MAP7D2: variants seen among roughly 807,000 people sequenced by gnomAD.
The protein encoded by MAP7D2 is MAP7 domain-containing protein 2.
In MAP7D2, 33 loss-of-function variants were observed where a neutral mutation model predicts 63.5. The observed-to-expected ratio is 0.52, with a 90% CI of 0.39 to 0.70. The LOEUF (loss-of-function observed/expected upper bound fraction) is 0.70, where lower values mean the gene tolerates loss of function less well. Among genes scored for constraint, MAP7D2 ranks in the 30% least tolerant of loss-of-function variants. MAP7D2 has a pLI of 0.00. For missense variants in MAP7D2, 626 were observed against 604.0 expected (o/e 1.04, Z -0.38); for synonymous variants, 224 against 223.7 (o/e 1.00, Z -0.01).
In MAP7D2 at chrX:20,044,468, A is replaced by G. The variant is rs1013911338; in HGVS notation, c.775T>C (p.Ser259Pro). The stretch of plus-strand genomic sequence containing the variant: ...TTCTCAATGTTTCGAGTGGGTGAAG[A>G]CTTGTAAGAAGGGTTAAGAGGGCCA... ...PLGPLNPSYK[S>P]SPTRNIEKKK... The change falls in exon 7 of 17, where the codon TCT becomes CCT. Residue 259 changes from serine to proline, a missense_variant. By Grantham distance (74) the Ser-to-Pro change is moderately conservative. Coordinates refer to ENST00000379643, the MANE Select transcript of MAP7D2 (RefSeq NM_001168465.2). 4 of 1,208,743 alleles carry G rather than the reference A, an allele frequency of 3.3e-6. 1 individual carries two copies. Among genetic ancestry groups the G allele is most frequent in the South Asian group, 3.5e-5 (2 of 56,783 alleles).
chrX:20,098,455 T>A (rs1042641974), intron 1 of MAP7D2, among the ~76,000 whole-genome samples: 4 of 111,862 alleles, frequency 3.6e-5, no homozygotes, highest in African/African-American at 1.3e-4. Flanking sequence ...TTTAAACAAC[T>A]GGAAGTGGTG....
chrX:20,018,592 G>A (rs1453194855), intron 10 of MAP7D2, among the ~76,000 whole-genome samples: 1 of 108,764 alleles, frequency 9.2e-6, no homozygotes. Context: ...ACAGGCATGC[G>A]CCGCTATGCC....
intron 10 of MAP7D2, among the ~76,000 whole-genome samples, chrX:20,018,725 G>C (rs1455572807): frequency 9.0e-6 from 1 of 111,096 alleles, no homozygotes; most frequent in East Asian, 2.8e-4. Flanking sequence ...TTACAGGTTT[G>C]AGCCACTGTG....
At chrX:20,052,749 G>A (rs1304702218) in intron 5 of MAP7D2, 129 bp downstream of exon 5, 1 of 528,348 alleles carries the variant, frequency 1.9e-6, no homozygotes, top group African/African-American at 2.4e-5. Flanking sequence ...CCCACATTCA[G>A]ACCACAAGAC....
chrX:20,090,479 C>T (rs2066041356), intron 1 of MAP7D2, among the ~76,000 whole-genome samples: 1 of 110,659 alleles, frequency 9.0e-6, no homozygotes, highest in African/African-American at 3.3e-5. Flanking sequence ...CAATGAGAAA[C>T]CCATACCATT....
chrX:20,116,622 G>C, intron 1 of MAP7D2, 128 bp downstream of exon 1: 1 of 1,000,858 alleles, frequency 1.0e-6, no homozygotes. Context: ...CAGGGAAAGG[G>C]CGTTTATCTC....
intron 3 of MAP7D2, among the ~76,000 whole-genome samples, chrX:20,060,275 T>C (rs1171749430): frequency 1.8e-5 from 2 of 109,771 alleles, no homozygotes; most frequent in Non-Finnish European, 3.8e-5. Context: ...CTGCCTTGGC[T>C]CCCCAAAGTG....
intron 3 of MAP7D2, among the ~76,000 whole-genome samples, chrX:20,060,140 C>T (rs1278541913): frequency 9.1e-6 from 1 of 110,361 alleles, no homozygotes; most frequent in Non-Finnish European, 1.9e-5. Flanking sequence ...TCACCTCAGC[C>T]TCCTAAGTAA....
At chrX:20,018,591 C>T (rs1007721535) in intron 10 of MAP7D2, among the ~76,000 whole-genome samples, 7 of 108,766 alleles carry the variant, frequency 6.4e-5, no homozygotes, top group African/African-American at 1.0e-4. Context: ...TACAGGCATG[C>T]GCCGCTATGC....
intron 1 of MAP7D2, among the ~76,000 whole-genome samples, chrX:20,071,631 G>A (rs1182273591): frequency 8.9e-6 from 1 of 111,962 alleles, no homozygotes; most frequent in Non-Finnish European, 1.9e-5. Flanking sequence ...TACAGGGCAG[G>A]GCCCTCCCTG....
At chrX:20,055,703 AATGCTATGGCACAGTG>A in intron 4 of MAP7D2, 1 of 848,611 alleles carries the variant, frequency 1.2e-6, no homozygotes, top group Non-Finnish European at 1.6e-6. Context: ...GTTATCACAA[AATGCTATGGCACAGTG>A]ATGCTCGGAT....
intron 8 of MAP7D2, among the ~76,000 whole-genome samples, chrX:20,027,798 CAGACAG>C (rs1218083261): frequency 1.1e-5 from 1 of 89,224 alleles, no homozygotes; most frequent in Non-Finnish European, 2.3e-5. Context: ...GAGACAGAGA[CAGACAG>C]AGACAGAGAC....
At chrX:20,077,658 C>T (rs959779536) in intron 1 of MAP7D2, among the ~76,000 whole-genome samples, 11 of 112,073 alleles carry the variant, frequency 9.8e-5, no homozygotes, top group African/African-American at 3.6e-4. Flanking sequence ...AATGCACATG[C>T]TCCTATTTAT....
At chrX:20,066,024 G>T (rs953863322) in intron 1 of MAP7D2, among the ~76,000 whole-genome samples, 1 of 108,080 alleles carries the variant, frequency 9.3e-6, no homozygotes, top group East Asian at 2.9e-4. Flanking sequence ...CCGGGTTCAC[G>T]CCATTCTCCT....
chrX:20,116,224 C>T (rs2066889171), intron 1 of MAP7D2, among the ~76,000 whole-genome samples: 2 of 113,193 alleles, frequency 1.8e-5, no homozygotes, highest in African/African-American at 6.4e-5. Flanking sequence ...GACGCCTGGC[C>T]GCCCGGGCGA....
At chrX:20,078,342 G>T (rs1035804437) in intron 1 of MAP7D2, among the ~76,000 whole-genome samples, 2 of 112,854 alleles carry the variant, frequency 1.8e-5, no homozygotes, top group African/African-American at 6.4e-5. Context: ...TTGAGACTCA[G>T]AGAGGTTAAG....
intron 15 of MAP7D2, among the ~76,000 whole-genome samples, chrX:20,011,372 T>C (rs986793654): frequency 8.9e-6 from 1 of 111,845 alleles, no homozygotes; most frequent in Non-Finnish European, 1.9e-5. Context: ...AAGCAAGGCA[T>C]TCCAGAACTT....
chrX:20,023,723 T>G (rs1448772767), intron 10 of MAP7D2, among the ~76,000 whole-genome samples: 3 of 111,610 alleles, frequency 2.7e-5, no homozygotes, highest in Non-Finnish European at 5.6e-5. Context: ...GGTATCTCCA[T>G]GGCCTGCAAT....
chrX:20,057,693 C>T (rs2065100502), intron 3 of MAP7D2, among the ~76,000 whole-genome samples: 1 of 111,842 alleles, frequency 8.9e-6, no homozygotes, highest in African/African-American at 3.3e-5. Context: ...TATAATGACA[C>T]CCTTTTGCCC....
Sources: allele counts gnomAD v4.1 joint callset (sites outside exome capture counted in the v4.1 genomes callset), GRCh38; gene constraint gnomAD v4.1.1; transcripts MANE v1.5; gene names NCBI Gene and HGNC (gene_info 2026-07-23, HGNC 2026-07-21).